Variants in SGCD observed in about 807,000 individuals in gnomAD.
The protein encoded by SGCD is delta-sarcoglycan.
In SGCD, 18 loss-of-function variants were observed where a neutral mutation model predicts 36.6. That is an observed-to-expected ratio of 0.49 (90% confidence interval 0.34 to 0.73). SGCD has a LOEUF of 0.73. Among genes scored for constraint, SGCD ranks in the 30% least tolerant of loss-of-function variants. The pLI is 0.01. For missense variants in SGCD, 387 were observed against 346.7 expected (o/e 1.12, Z -0.92); for synonymous variants, 133 against 130.6 (o/e 1.02, Z -0.12).
In SGCD at chr5:156,525,389, T is replaced by A. The variant is rs190349497; in HGVS notation, c.294+16687T>A. 2.2e-3 allele frequency among the ~76,000 whole-genome samples: 338 copies of A among 152,266 alleles called. 1 individual carries two copies. Among genetic ancestry groups the A allele is most frequent in the African/African-American group, 7.6e-3 (318 of 41,572 alleles). ...ATGTCTTCTTTGGAAAAAGGTTTAT[T>A]CAGGTTCTTTGCCAAGTTTTAAATT... is the stretch of plus-strand genomic sequence containing the variant. On this transcript the variant is annotated intron_variant, in intron 4 of 8. Transcript: ENST00000337851.
At chr5:155,772,762 T>C in the SGCD span, among the ~76,000 whole-genome samples, 1 of 151,958 alleles carries the variant, frequency 6.6e-6, no homozygotes, top group Non-Finnish European at 1.5e-5. Flanking sequence ...TGAGTTACTA[T>C]TATTATTTTT....
At chr5:156,249,835 A>G (rs1010067207) in intron 3 of SGCD, among the ~76,000 whole-genome samples, 1 of 152,226 alleles carries the variant, frequency 6.6e-6, no homozygotes, top group Admixed American at 6.5e-5. Context: ...TCTAAACAGC[A>G]TATTATTAAT....
At chr5:156,034,596 A>G (rs1759442853) in intron 1 of SGCD, among the ~76,000 whole-genome samples, 1 of 152,200 alleles carries the variant, frequency 6.6e-6, no homozygotes, top group Non-Finnish European at 1.5e-5. Flanking sequence ...GATTTTGCTA[A>G]GTGACCAGTT....
rs111765713 is a variant in SGCD at position 156,054,053 on chromosome 5, G to A, written c.-281-63825G>A. The stretch of plus-strand genomic sequence containing the variant: ...CAGGTTCCGATATATGAAATGAGAG[G>A]GACACCAACATTCAGACCACAGCAC... On this transcript the variant is annotated intron_variant, in intron 1 of 9. Transcript: ENST00000517913. Among the ~76,000 whole-genome samples the A allele has an allele frequency of 2.5e-3, 366 of 145,302 alleles. 20 individuals carry two copies. Among genetic ancestry groups the A allele is most frequent in the African/African-American group, 8.8e-3 (358 of 40,496 alleles).
chr5:156,225,098 C>A (rs1478394477), intron 3 of SGCD, among the ~76,000 whole-genome samples: 1 of 152,024 alleles, frequency 6.6e-6, no homozygotes, highest in East Asian at 1.9e-4. Context: ...TGTGTACCTC[C>A]AATGCAAATC....
chr5:156,684,083 G>A (rs1753819023), intron 7 of SGCD, among the ~76,000 whole-genome samples: 2 of 152,242 alleles, frequency 1.3e-5, no homozygotes, highest in South Asian at 4.2e-4. Flanking sequence ...TAAGTACAGG[G>A]CCCTGCACAT....
chr5:155,898,229 A>C (rs1756311757), intron 1 of SGCD, among the ~76,000 whole-genome samples: 1 of 152,210 alleles, frequency 6.6e-6, no homozygotes, highest in African/African-American at 2.4e-5. Flanking sequence ...CTTTGGAACC[A>C]ATGCAGGCTA....
At chr5:156,423,385 A>T (rs1773501393) in intron 3 of SGCD, among the ~76,000 whole-genome samples, 1 of 97,834 alleles carries the variant, frequency 1.0e-5, no homozygotes, top group Non-Finnish European at 1.9e-5. Flanking sequence ...ATTATAATAT[A>T]ATATATTATA....
chr5:156,074,078 G>A (rs949675526), intron 1 of SGCD, among the ~76,000 whole-genome samples: 2 of 152,208 alleles, frequency 1.3e-5, no homozygotes, highest in African/African-American at 4.8e-5. Context: ...TAATATGTGA[G>A]CATCAGACTT....
intron 3 of SGCD, among the ~76,000 whole-genome samples, chr5:156,171,838 G>A (rs769075340): frequency 6.6e-6 from 1 of 152,152 alleles, no homozygotes; most frequent in Non-Finnish European, 1.5e-5. Context: ...ACAGTTCAAT[G>A]AGAAGCAACT....
At chr5:156,333,783 ATTTTTTTTTTTTTT>A (rs70984404) in intron 2 of SGCD, among the ~76,000 whole-genome samples, 99 of 19,948 alleles carry the variant, frequency 5.0e-3, no homozygotes, top group East Asian at 0.033. Flanking sequence ...TAGAAAAGTG[ATTTTTTTTTTTTTT>A]TTTTTTTTTT....
At chr5:156,552,506 C>T (rs1758841322) in intron 4 of SGCD, among the ~76,000 whole-genome samples, 1 of 152,104 alleles carries the variant, frequency 6.6e-6, no homozygotes, top group Non-Finnish European at 1.5e-5. Context: ...GCTTATATTA[C>T]TCATTTATCT....
intron 2 of SGCD, among the ~76,000 whole-genome samples, chr5:156,342,592 C>T (rs1346209573): frequency 6.6e-6 from 1 of 151,930 alleles, no homozygotes; most frequent in East Asian, 1.9e-4. Context: ...TTTAAAAAGG[C>T]CAGTGATTGA....
intron 1 of SGCD, among the ~76,000 whole-genome samples, chr5:155,882,011 C>T (rs1248330555): frequency 6.6e-6 from 1 of 152,118 alleles, no homozygotes; most frequent in Non-Finnish European, 1.5e-5. Flanking sequence ...AGTCTTGAAC[C>T]CCTCAAAGTT....
chr5:155,744,963 G>A, the SGCD span, among the ~76,000 whole-genome samples: 1 of 152,190 alleles, frequency 6.6e-6, no homozygotes, highest in African/African-American at 2.4e-5. Flanking sequence ...ACCACAAAGA[G>A]GAGGTCTTAG....
At chr5:155,940,021 T>A (rs1757291293) in intron 1 of SGCD, among the ~76,000 whole-genome samples, 1 of 151,996 alleles carries the variant, frequency 6.6e-6, no homozygotes, top group African/African-American at 2.4e-5. Flanking sequence ...TTTGTAGAGA[T>A]GAGGTTTCAC....
At chr5:156,352,426 C>G (rs976135868) in intron 3 of SGCD, among the ~76,000 whole-genome samples, 23 of 152,302 alleles carry the variant, frequency 1.5e-4, no homozygotes, top group Middle Eastern at 3.4e-3. Flanking sequence ...ATTTTTGTAG[C>G]CCTGCTCAAT....
chr5:156,543,896 A>G (rs1262033750), intron 4 of SGCD, among the ~76,000 whole-genome samples: 1 of 152,180 alleles, frequency 6.6e-6, no homozygotes, highest in Admixed American at 6.5e-5. Flanking sequence ...GAATTAGTCC[A>G]AAGACTGGAC....
In SGCD at chr5:156,372,585, G is replaced by GTA. The variant is rs374745302; in HGVS notation, c.192+27922_192+27923dup. On this transcript the variant is annotated intron_variant, in intron 3 of 8. Coordinates refer to ENST00000337851, the MANE Select transcript of SGCD (RefSeq NM_000337.6). ...TTAACATTTACTTGTAGATAACTTT[G>GTA]TATATATATATATATCTTCCTCCAT... Among the ~76,000 whole-genome samples the GTA allele has an allele frequency of 2.6e-3, 390 of 150,848 alleles. 1 individual carries two copies. The highest frequency in any genetic ancestry group is 9.0e-3 in the South Asian group (43 of 4,764).
Sources: allele counts gnomAD v4.1 joint callset (sites outside exome capture counted in the v4.1 genomes callset), GRCh38; gene constraint gnomAD v4.1.1; transcripts MANE v1.5; gene names NCBI Gene and HGNC (gene_info 2026-07-23, HGNC 2026-07-21).